Variants in FBXO31 observed in about 807,000 individuals in gnomAD.
FBXO31 encodes the protein F-box protein 31, also known as F-box only protein 31.
FBXO31 carries 24 observed loss-of-function variants against 54.4 expected under a neutral mutation model. That is an observed-to-expected ratio of 0.44 (90% CI 0.32 to 0.62). The LOEUF is 0.62. FBXO31 is among the 20% of genes least tolerant of loss of function. The probability of loss-of-function intolerance (pLI) is 0.05; values close to 1 mark genes in which losing one functional copy is unlikely to be tolerated. For missense variants in FBXO31, 665 were observed against 787.1 expected, an observed-to-expected ratio of 0.84 and a Z score of 1.86; for synonymous variants, 388 against 335.6, an observed-to-expected ratio of 1.16 and a Z score of -1.71.
In FBXO31 at chr16:87,370,995, G is replaced by C. The variant is rs199607064; in HGVS notation, c.341-10629C>G. On this transcript the variant is annotated intron_variant, in intron 1 of 8. Transcript: ENST00000311635. The stretch of plus-strand genomic sequence containing the variant: ...CTCCAAGAACAGCGCCCCAACTGCG[G>C]CCCGGCACTCCCCAACACTCCCAGC... Among the ~76,000 whole-genome samples the C allele has an allele frequency of 1.4e-4, 21 of 152,284 alleles. 1 individual carries two copies. The East Asian group carries it at 3.9e-3, about 28-fold the overall frequency.
At chr16:87,347,842 G>A (rs1056211713) in intron 2 of FBXO31, among the ~76,000 whole-genome samples, 6 of 152,162 alleles carry the variant, frequency 3.9e-5, no homozygotes, top group Non-Finnish European at 5.9e-5. Context: ...TGCAAACAGC[G>A]AGCTGGACTA....
At chr16:87,381,961 T>C (rs1205036015) in intron 1 of FBXO31, among the ~76,000 whole-genome samples, 1 of 151,576 alleles carries the variant, frequency 6.6e-6, no homozygotes, top group African/African-American at 2.4e-5. Flanking sequence ...AGACGGAGGT[T>C]GCAGTGAGCC....
At chr16:87,367,295 C>T (rs975188112) in intron 1 of FBXO31, 2 of 152,190 alleles carry the variant, frequency 1.3e-5, no homozygotes, top group Non-Finnish European at 2.9e-5. Flanking sequence ...TTGTCAATAT[C>T]CCTGCAGACC....
At chr16:87,337,467 G>A (rs1905071419) in intron 5 of FBXO31, among the ~76,000 whole-genome samples, 1 of 152,184 alleles carries the variant, frequency 6.6e-6, no homozygotes, top group African/African-American at 2.4e-5. Flanking sequence ...GCAAAGAACT[G>A]GGACAGACAG....
At chr16:87,370,569 AG>A (rs1433750329) in intron 1 of FBXO31, among the ~76,000 whole-genome samples, 1 of 152,078 alleles carries the variant, frequency 6.6e-6, no homozygotes, top group East Asian at 1.9e-4. Context: ...GGGGAATAGG[AG>A]CCTGTGGGTG....
intron 5 of FBXO31, among the ~76,000 whole-genome samples, chr16:87,342,593 G>A (rs1009912207): frequency 3.3e-5 from 5 of 152,216 alleles, no homozygotes; most frequent in African/African-American, 1.2e-4. Context: ...CTCAGCAAGT[G>A]GATGTGCCCG....
Position 87,331,402 on chromosome 16 carries a change from C to A in FBXO31, c.1506G>T (p.Glu502Asp). The change falls in exon 9 of 9, where the codon GAG becomes GAT. Residue 502 changes from glutamate to aspartate, a missense_variant. Physicochemically the swap from Glu to Asp is conservative, Grantham distance 45. This residue lies in a region of FBXO31 where 71 missense variants were observed against 105.8 expected (regional missense o/e 0.67). Transcript: ENST00000311635. ...DEDRFGFVWLELKSFSLYSRV... is the reference protein window; with the variant it reads ...DEDRFGFVWLDLKSFSLYSRV... ...GGCTGTACAGGCTGAAGGATTTCAG[C>A]TCCAGCCAGACGAACCCGAAGCGGT... The A allele has an allele frequency of 6.2e-7, 1 of 1,613,916 alleles. No homozygotes were observed. The highest frequency in any genetic ancestry group is 8.5e-7 in the Non-Finnish European group (1 of 1,180,036).
chr16:87,366,992 A>G (rs1005261542), intron 1 of FBXO31: 17 of 152,262 alleles, frequency 1.1e-4, no homozygotes, highest in African/African-American at 4.1e-4. Context: ...AATCTGAGCA[A>G]CACAGTGAGA....
chr16:87,338,065 C>T lies in FBXO31; in HGVS notation c.733-1801G>A, dbSNP rs972022106. ...TTCAATGTTACCGCTGTGAGTACTGCGACTTCAACTTGACACCATCAGGAA... is the reference window on the plus strand; with the variant it reads ...TTCAATGTTACCGCTGTGAGTACTGTGACTTCAACTTGACACCATCAGGAA... On this transcript the variant is annotated intron_variant, in intron 5 of 8. Transcript: ENST00000311635. The surrounding 1 kb of genome is among the most constrained non-coding windows in gnomAD (Gnocchi z 4.3). 3.3e-5 allele frequency among the ~76,000 whole-genome samples: 5 copies of T among 152,072 alleles called. No individual in the cohort carries two copies. The highest frequency in any genetic ancestry group is 4.8e-5 in the African/African-American group (2 of 41,404).
In FBXO31 at chr16:87,335,488, A is replaced by C; in HGVS notation, c.843-31T>G. On this transcript the variant is annotated intron_variant, in intron 6 of 8. Transcript: ENST00000311635. This position sits in a 1 kb window ranked among gnomAD's most constrained non-coding sequence, Gnocchi z 5.7. ...GGGAGCGGACGGGTCAGTACAGGAG[A>C]CCTCGTGGGGCAGGCAGGACTGAGA... is the stretch of plus-strand genomic sequence containing the variant. The C allele has an allele frequency of 1.3e-6, 2 of 1,503,182 alleles. No homozygotes were observed. The highest frequency in any genetic ancestry group is 9.0e-7 in the Non-Finnish European group (1 of 1,113,992). 93.1% of individuals were successfully genotyped at this position (1,503,182 alleles called of 1,614,324 possible). A position where few individuals can be genotyped will look rare whatever the true frequency, so the allele number is the denominator to read the frequency against.
intron 1 of FBXO31, among the ~76,000 whole-genome samples, chr16:87,370,558 A>C (rs1862226656): frequency 6.6e-6 from 1 of 152,160 alleles, no homozygotes; most frequent in Non-Finnish European, 1.5e-5. Context: ...CGCCAGACCC[A>C]GGGGAATAGG....
chr16:87,391,019 T>A (rs1907521768), upstream of FBXO31, among the ~76,000 whole-genome samples: 1 of 152,248 alleles, frequency 6.6e-6, no homozygotes, highest in African/African-American at 2.4e-5. Flanking sequence ...ATCCTGGAAC[T>A]ATGGGGCTCT....
At chr16:87,368,990 C>A (rs78900971) in intron 1 of FBXO31, among the ~76,000 whole-genome samples, 5 of 151,928 alleles carry the variant, frequency 3.3e-5, no homozygotes, top group African/African-American at 1.2e-4. Flanking sequence ...TTAGTAGTGA[C>A]GGGGTTTCGC....
chr16:87,368,840 C>A (rs1414913501), intron 1 of FBXO31, among the ~76,000 whole-genome samples: 1 of 152,094 alleles, frequency 6.6e-6, no homozygotes, highest in Non-Finnish European at 1.5e-5. Context: ...GCTCTTGTTG[C>A]CCAGGCCGGA....
chr16:87,355,662 C>G (rs1027477370), intron 2 of FBXO31, among the ~76,000 whole-genome samples: 3 of 152,110 alleles, frequency 2.0e-5, no homozygotes, highest in African/African-American at 7.2e-5. Flanking sequence ...CAATCAAAAC[C>G]CACATATGAT....
intron 1 of FBXO31, among the ~76,000 whole-genome samples, chr16:87,381,287 G>GA (rs1401424980): frequency 3.9e-4 from 60 of 152,028 alleles, no homozygotes; most frequent in African/African-American, 1.3e-3. Flanking sequence ...CATCTTAAGA[G>GA]AAAAAAGACC....
chr16:87,369,899 C>A (rs1480904752), intron 1 of FBXO31, among the ~76,000 whole-genome samples: 3 of 152,148 alleles, frequency 2.0e-5, no homozygotes, highest in Non-Finnish European at 4.4e-5. Flanking sequence ...TATTTAAAAG[C>A]TGTTTTGCCA....
upstream of FBXO31, among the ~76,000 whole-genome samples, chr16:87,385,482 C>G (rs1907298225): frequency 7.5e-6 from 1 of 132,740 alleles, no homozygotes; most frequent in East Asian, 1.9e-4. Flanking sequence ...ATGGTTTCAA[C>G]TAATAACATC....
intron 1 of FBXO31, among the ~76,000 whole-genome samples, chr16:87,366,011 A>G (rs1026341706): frequency 5.3e-5 from 8 of 152,222 alleles, no homozygotes; most frequent in African/African-American, 1.9e-4. Flanking sequence ...CCTGGGCAAC[A>G]GTGTGAGACT....
Sources: allele counts gnomAD v4.1 joint callset (sites outside exome capture counted in the v4.1 genomes callset), GRCh38; gene constraint gnomAD v4.1.1; regional missense constraint gnomAD v4.1.1; non-coding constraint Gnocchi (gnomAD v3.1); transcripts MANE v1.5; gene names NCBI Gene and HGNC (gene_info 2026-07-23, HGNC 2026-07-21).